STXBP6: variants seen among roughly 807,000 people sequenced by gnomAD.
STXBP6 encodes syntaxin binding protein 6.
Under a neutral mutation model 26.9 loss-of-function variants are expected in STXBP6, and 21 were observed. The ratio of observed to expected loss-of-function variants is 0.78; its 90% CI spans 0.55 to 1.12. The LOEUF (loss-of-function observed/expected upper bound fraction) is 1.12. STXBP6 is among the 50% of genes most tolerant of loss of function. STXBP6 has a pLI of 0.00. For synonymous variants in STXBP6, 97 were observed against 92.6 expected, an observed-to-expected ratio of 1.05 and a Z score of -0.27; for missense variants, 232 against 257.9, an observed-to-expected ratio of 0.90 and a Z score of 0.69.
rs3088325 is a variant in STXBP6 at position 24,812,476 on chromosome 14, A to G, written c.*233T>C. ...ACATACACACAGTGGGAGGAGGCAA[A>G]AACCCAAAATGAAGCTGATGCTATT... On this transcript the variant is annotated 3_prime_UTR_variant, in exon 6 of 6. Transcript: ENST00000323944. 31,573 of 561,652 alleles carry G rather than the reference A, an allele frequency of 0.056. 1,076 individuals are homozygous for G. Among genetic ancestry groups the G allele is most frequent in the African/African-American group, 0.11 (5,780 of 53,144 alleles). 34.8% of individuals were successfully genotyped at this position (561,652 alleles called of 1,614,324 possible). A position where few individuals can be genotyped will look rare whatever the true frequency, so the allele number is the denominator to read the frequency against.
chr14:25,010,694 A>G (rs748650817), intron 1 of STXBP6: 24 of 152,228 alleles, frequency 1.6e-4, no homozygotes, highest in Non-Finnish European at 3.1e-4. Flanking sequence ...AATTCCTGGC[A>G]TTCCCCAGCT....
At chr14:24,883,321 C>T (rs910148739) in intron 2 of STXBP6, among the ~76,000 whole-genome samples, 19 of 152,070 alleles carry the variant, frequency 1.2e-4, no homozygotes, top group African/African-American at 4.1e-4. Context: ...GGTAAAGGAA[C>T]ATTTGTAACA....
intron 2 of STXBP6, among the ~76,000 whole-genome samples, chr14:24,895,774 TC>T (rs2070968006): frequency 6.6e-6 from 1 of 152,166 alleles, no homozygotes; most frequent in South Asian, 2.1e-4. Context: ...CTGACATCCC[TC>T]CCTTCCTTCA....
chr14:24,846,721 A>G (rs906031724), intron 4 of STXBP6, among the ~76,000 whole-genome samples: 1 of 152,204 alleles, frequency 6.6e-6, no homozygotes, highest in African/African-American at 2.4e-5. Flanking sequence ...GGGTAGGTAC[A>G]CTGCAGGTAG....
chr14:24,891,620 T>C (rs1208515913), intron 2 of STXBP6, among the ~76,000 whole-genome samples: 2 of 152,154 alleles, frequency 1.3e-5, no homozygotes, highest in Admixed American at 6.5e-5. Context: ...GGAAAACCAA[T>C]ATTCATTTTA....
At chr14:24,877,996 A>C (rs2070208744) in intron 2 of STXBP6, among the ~76,000 whole-genome samples, 1 of 152,098 alleles carries the variant, frequency 6.6e-6, no homozygotes, top group South Asian at 2.1e-4. Flanking sequence ...CATTTGTCTT[A>C]TTATTGGTGA....
intron 2 of STXBP6, among the ~76,000 whole-genome samples, chr14:24,961,230 CAAAG>C (rs1214557219): frequency 2.6e-5 from 4 of 151,808 alleles, no homozygotes; most frequent in Non-Finnish European, 5.9e-5. Context: ...ATCATGGAGA[CAAAG>C]AAGGGAACAA....
chr14:24,898,843 T>C (rs540030901), intron 2 of STXBP6, among the ~76,000 whole-genome samples: 2 of 152,230 alleles, frequency 1.3e-5, no homozygotes, highest in African/African-American at 4.8e-5. Context: ...TATGTGTATA[T>C]GCATATGCAG....
rs554768114 is a variant in STXBP6 at position 24,920,834 on chromosome 14, C to T, written c.154+53831G>A. Among the ~76,000 whole-genome samples, 6 of 152,176 alleles carry T rather than the reference C, an allele frequency of 3.9e-5. No individual in the cohort carries two copies. In the South Asian group the frequency reaches 1.2e-3, roughly 32 times the overall value. On this transcript the variant is annotated intron_variant, in intron 2 of 5. Coordinates refer to ENST00000323944, the MANE Select transcript of STXBP6 (RefSeq NM_001394410.1). ...ACTCCTGTGCACAACTGGAGACCGTCTTTACCCACAAACTATGTTCTGTTT... is the reference window on the plus strand; with the variant it reads ...ACTCCTGTGCACAACTGGAGACCGTTTTTACCCACAAACTATGTTCTGTTT...
Position 24,877,918 on chromosome 14 carries a change from T to C in STXBP6, c.155-20761A>G, listed in dbSNP as rs560084580. On this transcript the variant is annotated intron_variant, in intron 2 of 5. Coordinates refer to ENST00000323944, the MANE Select transcript of STXBP6 (RefSeq NM_001394410.1). ...TCCTCATATACATGCCAAAACAGTGTGTAGTCAAGCTATGCTTTTTGCCAA... is the reference window on the plus strand; with the variant it reads ...TCCTCATATACATGCCAAAACAGTGCGTAGTCAAGCTATGCTTTTTGCCAA... 3.3e-5 allele frequency among the ~76,000 whole-genome samples: 5 copies of C among 152,296 alleles called. No homozygotes were observed. In the East Asian group the frequency reaches 5.8e-4, roughly 18 times the overall value.
intron 2 of STXBP6, among the ~76,000 whole-genome samples, chr14:24,864,283 T>C (rs955802906): frequency 6.6e-6 from 1 of 152,218 alleles, no homozygotes; most frequent in African/African-American, 2.4e-5. Flanking sequence ...TTTAATGTTA[T>C]GCTTTCCTTT....
intron 1 of STXBP6, among the ~76,000 whole-genome samples, chr14:25,013,502 A>C (rs548309624): frequency 4.9e-4 from 73 of 149,922 alleles, no homozygotes; most frequent in East Asian, 1.4e-3. Context: ...ACACACACAC[A>C]CCCCTAAAGG....
chr14:24,916,006 G>T (rs2071752067), intron 2 of STXBP6, among the ~76,000 whole-genome samples: 1 of 152,036 alleles, frequency 6.6e-6, no homozygotes, highest in Non-Finnish European at 1.5e-5. Flanking sequence ...AGTTAATGCA[G>T]TTATAACTCC....
intron 1 of STXBP6, among the ~76,000 whole-genome samples, chr14:25,046,070 C>T (rs2075722627): frequency 6.6e-6 from 1 of 152,174 alleles, no homozygotes; most frequent in Non-Finnish European, 1.5e-5. Context: ...CTCTCTGTGA[C>T]TCAGTAATAA....
intron 1 of STXBP6, among the ~76,000 whole-genome samples, chr14:24,991,719 GAAAGA>G (rs1316366959): frequency 2.6e-5 from 4 of 152,124 alleles, no homozygotes; most frequent in Non-Finnish European, 1.5e-5. Context: ...TCTAACAAAA[GAAAGA>G]AAAGGAAAGA....
chr14:24,819,934 G>A (rs1177148355), intron 4 of STXBP6, among the ~76,000 whole-genome samples: 1 of 152,188 alleles, frequency 6.6e-6, no homozygotes, highest in Non-Finnish European at 1.5e-5. Flanking sequence ...AGCCCTAGAA[G>A]AAACTTGGTA....
At chr14:24,995,991 T>C (rs1479757053) in intron 1 of STXBP6, among the ~76,000 whole-genome samples, 1 of 152,192 alleles carries the variant, frequency 6.6e-6, no homozygotes. Context: ...TAGGTAAAAA[T>C]CTTTATGTTG....
chr14:24,830,869 A>C (rs2068437062), intron 4 of STXBP6, among the ~76,000 whole-genome samples: 1 of 152,192 alleles, frequency 6.6e-6, no homozygotes, highest in Non-Finnish European at 1.5e-5. Flanking sequence ...AGGAAACTGA[A>C]AAAGCAAGGT....
intron 1 of STXBP6, among the ~76,000 whole-genome samples, chr14:24,978,415 T>C (rs1317030912): frequency 2.0e-5 from 3 of 152,208 alleles, no homozygotes; most frequent in Non-Finnish European, 2.9e-5. Flanking sequence ...AGGAAGACAA[T>C]GCACAGGATT....
Sources: allele counts gnomAD v4.1 joint callset (sites outside exome capture counted in the v4.1 genomes callset), GRCh38; gene constraint gnomAD v4.1.1; transcripts MANE v1.5; gene names NCBI Gene and HGNC (gene_info 2026-07-23, HGNC 2026-07-21).